NEK9: variants seen among roughly 807,000 people sequenced by gnomAD.
NEK9 encodes NIMA related kinase 9.
NEK9 carries 75 observed loss-of-function variants against 123.4 expected under a neutral mutation model. The observed-to-expected ratio is 0.61, with a 90% confidence interval of 0.50 to 0.74. NEK9 has a LOEUF of 0.74. Among genes scored for constraint, NEK9 ranks in the 30% least tolerant of loss-of-function variants. NEK9 has a pLI of 0.00. For synonymous variants in NEK9, 438 were observed against 458.7 expected, an observed-to-expected ratio of 0.95 and a Z score of 0.58; for missense variants, 952 against 1,214.4, an observed-to-expected ratio of 0.78 and a Z score of 3.21.
intron 8 of NEK9, 127 bp downstream of exon 8, chr14:75,113,212 T>C: frequency 1.4e-6 from 1 of 738,202 alleles, no homozygotes; most frequent in Non-Finnish European, 2.3e-6. Flanking sequence ...AAAGCAGGGA[T>C]GTTGGTAGAA....
chr14:75,105,310 A>G (rs543842868), intron 13 of NEK9, among the ~76,000 whole-genome samples: 25 of 145,656 alleles, frequency 1.7e-4, no homozygotes, highest in African/African-American at 5.8e-4. Context: ...CCAAGGAAAG[A>G]AAAAAAAAAA....
In NEK9 at chr14:75,107,426, C is replaced by T; in HGVS notation, c.1244G>A (p.Arg415Gln). ...CAACTTTTCCACATGCTTTGGCTGTCGATAGGAGGCTTTGTCTCCATGGCC... is the reference window on the plus strand; with the variant it reads ...CAACTTTTCCACATGCTTTGGCTGTTGATAGGAGGCTTTGTCTCCATGGCC... ...QLGHGDKASY[R>Q]QPKHVEKLQG... The change falls in exon 11 of 22, where the codon CGA becomes CAA. Residue 415 changes from arginine to glutamine, a missense_variant. Arg to Gln is a conservative substitution (Grantham distance 43, BLOSUM62 1). Transcript: ENST00000238616. 6.2e-7 allele frequency: 1 copy of T among 1,613,770 alleles called. No individual in the cohort carries two copies. Among genetic ancestry groups the T allele is most frequent in the Non-Finnish European group, 8.5e-7 (1 of 1,179,868 alleles).
intron 5 of NEK9, among the ~76,000 whole-genome samples, chr14:75,118,602 G>A (rs3742772): frequency 0.028 from 4,269 of 152,274 alleles, 292 homozygotes; most frequent in East Asian, 0.19. Context: ...GCTGCTTTTA[G>A]ATAAGTCCCT....
At chr14:75,109,620 A>G (rs1894892097) in intron 10 of NEK9, 65 bp downstream of exon 10, 2 of 1,434,756 alleles carry the variant, frequency 1.4e-6, no homozygotes, top group African/African-American at 2.9e-5. Flanking sequence ...AAATGCTTAG[A>G]CATCGTGGGC....
At chr14:75,126,653 G>T in intron 1 of NEK9, 50 bp downstream of exon 1, 1 of 1,344,104 alleles carries the variant, frequency 7.4e-7, no homozygotes. Context: ...GGAGGGACTC[G>T]GGGCGACCCG....
At chr14:75,096,875 C>A (rs1894403814) in intron 17 of NEK9, 1 of 390,326 alleles carries the variant, frequency 2.6e-6, no homozygotes, top group Non-Finnish European at 4.5e-6. Flanking sequence ...GCAGGCAGAG[C>A]CCAAACTTAT....
chr14:75,127,043 G>T lies in NEK9; in HGVS notation c.-122C>A. 1.3e-6 allele frequency: 1 copy of T among 752,226 alleles called. No homozygotes were observed. Among genetic ancestry groups the T allele is most frequent in the Non-Finnish European group, 2.0e-6 (1 of 491,414 alleles). 46.6% of individuals were successfully genotyped at this position (752,226 alleles called of 1,614,324 possible). On this transcript the variant is annotated 5_prime_UTR_variant, in exon 1 of 22. Coordinates refer to ENST00000238616, the MANE Select transcript of NEK9 (RefSeq NM_033116.6). ...TCAGCCCAGCAACCCCGCGAAGCTC[G>T]ATGGTGGCTCCTGCCCCCCGACCCG...
In NEK9 at chr14:75,106,507, T is replaced by C; in HGVS notation, c.1523A>G (p.Glu508Gly). Residue 508 changes from glutamate to glycine, a missense_variant, in exon 12 of 22, where the codon GAA (glutamate) becomes GGA (glycine). Coordinates refer to ENST00000238616, the MANE Select transcript of NEK9 (RefSeq NM_033116.6). Reference sequence around the variant, plus strand: ...AGAGACAAGGCTACCCCTACCATATTCGCCACAGCCCCAAGAATAGACTTC... The same window carrying C: ...AGAGACAAGGCTACCCCTACCATATCCGCCACAGCCCCAAGAATAGACTTC... Reference protein sequence around the residue: ...NKEVYSWGCGEYGRLGLDSEE... With the variant: ...NKEVYSWGCGGYGRLGLDSEE... 6.2e-7 allele frequency: 1 copy of C among 1,613,898 alleles called. No homozygotes were observed. The highest frequency in any genetic ancestry group is 1.1e-5 in the South Asian group (1 of 91,064).
chr14:75,109,693 T>C lies in NEK9; in HGVS notation c.1174A>G (p.Thr392Ala), dbSNP rs1487861775. Residue 392 changes from threonine to alanine, a missense_variant, in exon 10 of 22, where the codon ACT (threonine) becomes GCT (alanine). Coordinates refer to ENST00000238616, the MANE Select transcript of NEK9 (RefSeq NM_033116.6). ...GCTTAGCGTTCACTTACCACCCAAG[T>C]GTACAGTTCCTTCTCCACTGTGACC... The part of the protein sequence containing the change: ...AVVTVEKELY[T>A]WVNMQGGTKL... 6.2e-7 allele frequency: 1 copy of C among 1,612,190 alleles called. No homozygotes were observed. The highest frequency in any genetic ancestry group is 1.1e-5 in the South Asian group (1 of 90,798).
chr14:75,122,330 C>A (rs904516119), intron 2 of NEK9, among the ~76,000 whole-genome samples: 1 of 152,152 alleles, frequency 6.6e-6, no homozygotes, highest in Non-Finnish European at 1.5e-5. Flanking sequence ...AGAGTTTACA[C>A]AAGGAAGTCG....
In NEK9 at chr14:75,103,829, T is replaced by A. The variant is rs1037178700; in HGVS notation, c.1731+13A>T. ...TCTGATGATGTGGTTAGAACACCAA[T>A]CAGGACACTCACTTCATGGTTGATA... On this transcript the variant is annotated intron_variant, in intron 14 of 21. Transcript: ENST00000238616. 4.4e-6 allele frequency: 7 copies of A among 1,602,272 alleles called. No individual in the cohort carries two copies. The highest frequency in any genetic ancestry group is 6.0e-6 in the Non-Finnish European group (7 of 1,174,622).
At position 75,084,138 on chromosome 14, in the gene NEK9, C is replaced by G. The variant is rs1403295107; in HGVS notation, c.*426G>C. 14 of 186,052 alleles carry G rather than the reference C, an allele frequency of 7.5e-5. No individual in the cohort carries two copies. The highest frequency in any genetic ancestry group is 1.3e-4 in the Non-Finnish European group (11 of 86,964). 11.5% of individuals were successfully genotyped at this position (186,052 alleles called of 1,614,324 possible). ...GATTCCAGCCCACTCCAACTTTACACTTCTCCCTCTCCCACCCAGAGGGGT... is the reference window on the plus strand; with the variant it reads ...GATTCCAGCCCACTCCAACTTTACAGTTCTCCCTCTCCCACCCAGAGGGGT... On this transcript the variant is annotated 3_prime_UTR_variant, in exon 22 of 22. Coordinates refer to ENST00000238616, the MANE Select transcript of NEK9 (RefSeq NM_033116.6).
intron 6 of NEK9, among the ~76,000 whole-genome samples, chr14:75,115,595 A>G (rs1415859891): frequency 6.6e-6 from 1 of 152,220 alleles, no homozygotes; most frequent in Non-Finnish European, 1.5e-5. Flanking sequence ...GGGAATATAT[A>G]TTGTTACCAT....
intron 10 of NEK9, among the ~76,000 whole-genome samples, chr14:75,107,838 T>C (rs1484948836): frequency 6.6e-6 from 1 of 152,204 alleles, no homozygotes; most frequent in African/African-American, 2.4e-5. Context: ...TGCCAACAGG[T>C]AAAGAAAACT....
chr14:75,114,989 A>C (rs1236921251), intron 6 of NEK9, among the ~76,000 whole-genome samples: 2 of 152,052 alleles, frequency 1.3e-5, no homozygotes, highest in Admixed American at 6.5e-5. Context: ...ATATATACAC[A>C]TATATACACA....
intron 9 of NEK9, 71 bp from the exon 10 acceptor site, chr14:75,109,948 T>C (rs1894906795): frequency 1.4e-6 from 2 of 1,443,414 alleles, no homozygotes; most frequent in South Asian, 2.7e-5. Flanking sequence ...GCTTCCAGTC[T>C]GTTCCCTGAG....
At chr14:75,105,464 C>T (rs1463756100) in intron 13 of NEK9, among the ~76,000 whole-genome samples, 3 of 152,182 alleles carry the variant, frequency 2.0e-5, no homozygotes, top group Non-Finnish European at 4.4e-5. Flanking sequence ...CTCTGTGAGC[C>T]TCTCACAGGG....
intron 15 of NEK9, 142 bp from the exon 16 acceptor site, chr14:75,101,295 G>C: frequency 1.2e-6 from 1 of 862,744 alleles, no homozygotes; most frequent in Non-Finnish European, 1.7e-6. Context: ...CTGGACCTAG[G>C]ACAAATACAG....
rs1454128154 is a variant in NEK9, at chr14:75,126,768, A to C, written c.154T>G (p.Tyr52Asp). 1.3e-6 allele frequency: 2 copies of C among 1,526,252 alleles called. No homozygotes were observed. The highest frequency in any genetic ancestry group is 8.8e-7 in the Non-Finnish European group (1 of 1,137,794). The allele number at this position is 1,526,252 out of a possible 1,614,324, so 94.5% of individuals were successfully genotyped here. ...CGGCCCAGGACGCGGATGGGGATGT[A>C]GTGCAGTTCCTCCTGCTCCGCCGCG... ...GGAAEQEELH[Y>D]IPIRVLGRGA... Residue 52 changes from tyrosine to aspartate, a missense_variant, in exon 1 of 22, where the codon TAC (tyrosine) becomes GAC (aspartate). Coordinates refer to ENST00000238616, the MANE Select transcript of NEK9 (RefSeq NM_033116.6).
Sources: allele counts gnomAD v4.1 joint callset (sites outside exome capture counted in the v4.1 genomes callset), GRCh38; gene constraint gnomAD v4.1.1; transcripts MANE v1.5; gene names NCBI Gene and HGNC (gene_info 2026-07-23, HGNC 2026-07-21).